GPBP1: variants seen among roughly 807,000 people sequenced by gnomAD.
The protein encoded by GPBP1 is vasculin.
A neutral mutation model predicts 56.5 loss-of-function variants in GPBP1; 13 were observed. That is an observed-to-expected ratio of 0.23 (90% CI 0.15 to 0.37). GPBP1 has a LOEUF of 0.37. GPBP1 is among the 10% of genes least tolerant of loss of function. The pLI, the probability that GPBP1 is intolerant of heterozygous loss-of-function variation, is 1.00. For synonymous variants in GPBP1, 204 were observed against 188.9 expected (o/e 1.08, Z -0.66); for missense variants, 477 against 572.3 (o/e 0.83, Z 1.70).
intron 2 of GPBP1, among the ~76,000 whole-genome samples, chr5:57,176,791 C>G (rs1449047803): frequency 6.6e-6 from 1 of 152,136 alleles, no homozygotes; most frequent in Admixed American, 6.6e-5. Context: ...ATGCGTGTGC[C>G]TTGGTAGCCA....
Position 57,229,969 on chromosome 5 carries a change from TC to T in GPBP1, c.64-874del, listed in dbSNP as rs769926558. Among the ~76,000 whole-genome samples the T allele has an allele frequency of 4.1e-3, 615 of 149,498 alleles. 3 individuals carry two copies. Among genetic ancestry groups the T allele is most frequent in the African/African-American group, 0.014 (575 of 39,988 alleles). On this transcript the variant is annotated intron_variant, in intron 3 of 11. Coordinates refer to ENST00000506184, the MANE Select transcript of GPBP1 (RefSeq NM_022913.4). Reference sequence around the variant, plus strand: ...TCCCGTCCCGTCCCGTCCCGTCCCGTCCCTTCTCACATGCAATGGCGTGATC... The same window carrying T: ...TCCCGTCCCGTCCCGTCCCGTCCCGTCCTTCTCACATGCAATGGCGTGATC...
At chr5:57,260,242 T>G (rs1481436693) in intron 10 of GPBP1, among the ~76,000 whole-genome samples, 1 of 152,234 alleles carries the variant, frequency 6.6e-6, no homozygotes, top group Non-Finnish European at 1.5e-5. Context: ...CTAACAAGAT[T>G]AATTTTTTCC....
At chr5:57,222,429 A>G (rs1191846350) in intron 3 of GPBP1, among the ~76,000 whole-genome samples, 1 of 152,180 alleles carries the variant, frequency 6.6e-6, no homozygotes, top group Non-Finnish European at 1.5e-5. Context: ...TTAGGATAGT[A>G]GACTAGGTTT....
Position 57,214,128 on chromosome 5 carries a change from T to C in GPBP1, c.-3T>C. ...TTCACTGAGTTGGAGAGACTGGACC[T>C]AAATGGCGCAGCATGACTTTGCTCC... On this transcript the variant is annotated 5_prime_UTR_variant, in exon 3 of 12. Coordinates refer to ENST00000506184, the MANE Select transcript of GPBP1 (RefSeq NM_022913.4). The C allele has an allele frequency of 6.2e-7, 1 of 1,613,562 alleles. No individual in the cohort carries two copies. Among genetic ancestry groups the C allele is most frequent in the Non-Finnish European group, 8.5e-7 (1 of 1,179,486 alleles).
intron 2 of GPBP1, among the ~76,000 whole-genome samples, chr5:57,204,611 G>C (rs1167468700): frequency 6.6e-6 from 1 of 151,978 alleles, no homozygotes; most frequent in Non-Finnish European, 1.5e-5. Flanking sequence ...GAAAATTTTG[G>C]GTCAGTTATG....
chr5:57,257,249 T>G (rs1275706913), intron 10 of GPBP1, among the ~76,000 whole-genome samples: 1 of 152,232 alleles, frequency 6.6e-6, no homozygotes, highest in Non-Finnish European at 1.5e-5. Flanking sequence ...TTGGCCAGGC[T>G]GGTCTCGAAC....
At chr5:57,179,110 T>C (rs555158212) in intron 2 of GPBP1, among the ~76,000 whole-genome samples, 2 of 152,326 alleles carry the variant, frequency 1.3e-5, no homozygotes, top group South Asian at 4.1e-4. Context: ...GTTCAAGCAG[T>C]CTGACTCCAG....
At chr5:57,233,079 TGTTA>T (rs543442580) in intron 5 of GPBP1, among the ~76,000 whole-genome samples, 18 of 152,310 alleles carry the variant, frequency 1.2e-4, no homozygotes, top group African/African-American at 3.6e-4. Flanking sequence ...CGTGATGCAT[TGTTA>T]GTTTTTACAG....
intron 2 of GPBP1, among the ~76,000 whole-genome samples, chr5:57,192,740 C>T (rs997861194): frequency 2.8e-5 from 3 of 107,012 alleles, no homozygotes; most frequent in African/African-American, 7.5e-5. Context: ...GCAACGAGAG[C>T]GGAACTCCGT....
At chr5:57,224,141 T>C (rs923409254) in intron 3 of GPBP1, among the ~76,000 whole-genome samples, 3 of 151,988 alleles carry the variant, frequency 2.0e-5, no homozygotes, top group East Asian at 1.9e-4. Context: ...CCTTAAATTA[T>C]ATTTTTAATT....
chr5:57,255,495 A>G (rs546065751), intron 10 of GPBP1, among the ~76,000 whole-genome samples: 98 of 152,386 alleles, frequency 6.4e-4, no homozygotes, highest in African/African-American at 2.3e-3. Flanking sequence ...GAAAGGGAAA[A>G]GGCCTGTGTG....
In GPBP1 at chr5:57,231,204, T is replaced by C. The variant is rs768411930; in HGVS notation, c.294T>C (p.Arg98=). Reference sequence around the variant, plus strand: ...ACCATGGTGGAAGTTCCCGTTCTCGTAGCAGTATTTTCCATGCAGGAAAAA... The same window carrying C: ...ACCATGGTGGAAGTTCCCGTTCTCGCAGCAGTATTTTCCATGCAGGAAAAA... ...GGYHGGSSRS[R]SSIFHAGKSQ... The change falls in exon 5 of 12, where the codon CGT becomes CGC. Residue 98 remains arginine, a synonymous_variant. Transcript: ENST00000506184. 2 of 1,614,122 alleles carry C rather than the reference T, an allele frequency of 1.2e-6. No individual in the cohort carries two copies. Among genetic ancestry groups the C allele is most frequent in the South Asian group, 2.2e-5 (2 of 91,078 alleles).
chr5:57,208,588 GTGT>G (rs1157444876), intron 2 of GPBP1, among the ~76,000 whole-genome samples: 2 of 151,672 alleles, frequency 1.3e-5, no homozygotes, highest in African/African-American at 4.8e-5. Flanking sequence ...TGTTTGGGTA[GTGT>G]TGTTGTCTTA....
chr5:57,262,741 G>A lies in GPBP1; in HGVS notation c.1411G>A (p.Asp471Asn), dbSNP rs749686919. The A allele has an allele frequency of 3.7e-6, 6 of 1,612,806 alleles. No homozygotes were observed. The highest frequency in any genetic ancestry group is 2.2e-5 in the South Asian group (2 of 90,950). ...ETSSSDTSDD[D>N]DV Reference sequence around the variant, plus strand: ...AAGTAGCAGTGATACATCAGATGACGACGATGTGTGAAGGATTTCCTAACA... The same window carrying A: ...AAGTAGCAGTGATACATCAGATGACAACGATGTGTGAAGGATTTCCTAACA... Residue 471 changes from aspartate (D) to asparagine (N), a missense_variant, in exon 12 of 12, where the codon GAC (aspartate) becomes AAC (asparagine). By Grantham distance (23) the Asp-to-Asn change is conservative (BLOSUM62 1). Coordinates refer to ENST00000506184, the MANE Select transcript of GPBP1 (RefSeq NM_022913.4).
At position 57,181,613 on chromosome 5, in the gene GPBP1, G is replaced by A. The variant is rs1198224187; in HGVS notation, c.-58+5213G>A. ...ACATTTAAAAAAAAGGTGGGGGGGC[G>A]GTGCGGGGGCAGGGAATACATCTCT... On this transcript the variant is annotated intron_variant, in intron 2 of 11. Coordinates refer to ENST00000506184, the MANE Select transcript of GPBP1 (RefSeq NM_022913.4). 4.0e-5 allele frequency among the ~76,000 whole-genome samples: 6 copies of A among 151,522 alleles called. No homozygotes were observed. The East Asian group carries it at 7.8e-4, about 20-fold the overall frequency.
At chr5:57,232,213 T>C (rs975787682) in intron 5 of GPBP1, among the ~76,000 whole-genome samples, 1 of 152,120 alleles carries the variant, frequency 6.6e-6, no homozygotes, top group African/African-American at 2.4e-5. Flanking sequence ...GTCTTGAACT[T>C]CTGGCCTCAA....
At chr5:57,205,130 A>G (rs947012141) in intron 2 of GPBP1, among the ~76,000 whole-genome samples, 4 of 152,180 alleles carry the variant, frequency 2.6e-5, no homozygotes, top group Non-Finnish European at 4.4e-5. Flanking sequence ...AACAGTCTCT[A>G]GTAACACCAG....
chr5:57,197,874 A>AT lies in GPBP1; in HGVS notation c.-57-16199dup, dbSNP rs1351439642. On this transcript the variant is annotated intron_variant, in intron 2 of 11. Transcript: ENST00000506184. ...TAAAATGTTTGATGATTATTAGTTCATATTTAAGAATGAGGCAATAAAAAG... is the reference window on the plus strand; with the variant it reads ...TAAAATGTTTGATGATTATTAGTTCATTATTTAAGAATGAGGCAATAAAAAG... Among the ~76,000 whole-genome samples the AT allele has an allele frequency of 3.3e-5, 5 of 151,884 alleles. No homozygotes were observed. In the East Asian group the frequency reaches 7.8e-4, roughly 24 times the overall value.
At chr5:57,189,351 T>G (rs1295813000) in intron 2 of GPBP1, among the ~76,000 whole-genome samples, 1 of 152,370 alleles carries the variant, frequency 6.6e-6, no homozygotes, top group East Asian at 1.9e-4. Context: ...CCTCCTGACT[T>G]CAGGTGATCT....
Sources: gnomAD v4.1 joint callset for allele counts (sites outside exome capture counted in the v4.1 genomes callset) on GRCh38, gnomAD v4.1.1 for gene constraint, MANE v1.5 for transcripts, NCBI Gene and HGNC (gene_info 2026-07-23, HGNC 2026-07-21) for gene names.